Variants in SCML2 observed in about 807,000 individuals in gnomAD.
SCML2 encodes the protein Scm polycomb group protein like 2.
In SCML2, 6 loss-of-function variants were observed where a neutral mutation model predicts 48.4. The observed-to-expected ratio is 0.12, with a 90% CI of 0.07 to 0.24. The LOEUF (loss-of-function observed/expected upper bound fraction) is 0.24. SCML2 is among the 10% of genes least tolerant of loss of function. The probability of loss-of-function intolerance (pLI) is 1.00; values close to 1 mark genes in which losing one functional copy is unlikely to be tolerated. For synonymous variants in SCML2, 181 were observed against 189.5 expected, an observed-to-expected ratio of 0.95 and a Z score of 0.37; for missense variants, 377 against 528.2, an observed-to-expected ratio of 0.71 and a Z score of 2.81.
intron 11 of SCML2, among the ~76,000 whole-genome samples, chrX:18,251,252 G>A (rs944314996): frequency 2.1e-5 from 2 of 96,122 alleles, no homozygotes; most frequent in Non-Finnish European, 4.0e-5. Flanking sequence ...AGAGGTTGCG[G>A]TGAGCCAAAA....
chrX:18,320,917 T>C, intron 5 of SCML2, among the ~76,000 whole-genome samples: 1 of 111,539 alleles, frequency 9.0e-6, no homozygotes, highest in East Asian at 2.8e-4. Flanking sequence ...AACCTATAGA[T>C]ATTGACTCGT....
At chrX:18,333,615 G>C (rs1929720761) in intron 2 of SCML2, among the ~76,000 whole-genome samples, 1 of 112,025 alleles carries the variant, frequency 8.9e-6, no homozygotes, top group Non-Finnish European at 1.9e-5. Flanking sequence ...GAAAAGTCAT[G>C]AGAGATACAG....
intron 2 of SCML2, among the ~76,000 whole-genome samples, chrX:18,333,057 C>G (rs1461028538): frequency 9.0e-6 from 1 of 110,718 alleles, no homozygotes; most frequent in Non-Finnish European, 1.9e-5. Context: ...GGGAAGATCA[C>G]TTGAGGTCAG....
At chrX:18,305,243 T>A (rs746307507) in intron 6 of SCML2, 28 bp from the exon 7 acceptor site, 157 of 1,142,416 alleles carry the variant, frequency 1.4e-4, no homozygotes, top group Non-Finnish European at 1.8e-4. Flanking sequence ...AAAAAAAAGA[T>A]TTCATTGTTA....
At chrX:18,301,175 T>C (rs1033867915) in intron 7 of SCML2, among the ~76,000 whole-genome samples, 1 of 110,615 alleles carries the variant, frequency 9.0e-6, no homozygotes. Flanking sequence ...AGGCAGGTGG[T>C]TCACCTAAGG....
At chrX:18,277,763 G>A (rs1049851842) in intron 7 of SCML2, among the ~76,000 whole-genome samples, 1 of 111,190 alleles carries the variant, frequency 9.0e-6, no homozygotes, top group Non-Finnish European at 1.9e-5. Flanking sequence ...CAAAAAAAAA[G>A]AACAAAGTAG....
At chrX:18,327,225 T>C (rs1246727867) in intron 3 of SCML2, among the ~76,000 whole-genome samples, 6 of 108,509 alleles carry the variant, frequency 5.5e-5, no homozygotes. Context: ...AAAAAATTGC[T>C]GGGCATCGTG....
At chrX:18,278,778 A>G (rs186622463) in intron 7 of SCML2, among the ~76,000 whole-genome samples, 13 of 113,060 alleles carry the variant, frequency 1.1e-4, no homozygotes, top group African/African-American at 3.8e-4. Flanking sequence ...CCCCCAGCAC[A>G]GCTGGAACCT....
At chrX:18,317,095 A>T (rs774741796) in intron 6 of SCML2, among the ~76,000 whole-genome samples, 63 of 111,190 alleles carry the variant, frequency 5.7e-4, no homozygotes, top group African/African-American at 1.9e-3. Context: ...AATTTTTAAA[A>T]TTTTTTTTCA....
intron 3 of SCML2, among the ~76,000 whole-genome samples, chrX:18,325,299 G>C (rs1350507240): frequency 8.9e-6 from 1 of 111,927 alleles, no homozygotes; most frequent in African/African-American, 3.2e-5. Flanking sequence ...TAGAGTAATA[G>C]CGAAGTCTAC....
chrX:18,241,524 A>C (rs1216996401), intron 14 of SCML2, 145 bp from the exon 15 acceptor site: 2 of 362,116 alleles, frequency 5.5e-6, no homozygotes, highest in East Asian at 1.1e-4. Flanking sequence ...TTAAAAATAT[A>C]ATTTATACAG....
intron 11 of SCML2, among the ~76,000 whole-genome samples, chrX:18,251,908 A>G (rs1476991098): frequency 1.8e-5 from 2 of 112,574 alleles, no homozygotes; most frequent in Non-Finnish European, 3.7e-5. Flanking sequence ...AACATAATAT[A>G]GCCATACAAT....
Position 18,241,046 on chromosome X carries a change from G to T in SCML2, c.*205C>A. On this transcript the variant is annotated 3_prime_UTR_variant, in exon 15 of 15. Transcript: ENST00000251900. ...TGCTTTTTAAAGAAGTAGACTGGGG[G>T]AGTGGCGGCTGTGTCTCCCAAAGCT... 4.0e-6 allele frequency: 1 copy of T among 252,316 alleles called. No homozygotes were observed. The highest frequency in any genetic ancestry group is 6.6e-5 in the East Asian group (1 of 15,149). 20.8% of individuals were successfully genotyped at this position (252,316 alleles called of 1,213,427 possible).
Position 18,324,024 on chromosome X carries a change from T to G in SCML2, c.232A>C (p.Thr78Pro), listed in dbSNP as rs1414061835. The part of the protein sequence containing the change: ...KLEARDPRNA[T>P]SVCIATVIGI... ...ATAACCGTAGCAATACATACTGAAGTGGCATTGCGAGGGTCACGGGCTTCC... is the reference window on the plus strand; with the variant it reads ...ATAACCGTAGCAATACATACTGAAGGGGCATTGCGAGGGTCACGGGCTTCC... The change falls in exon 5 of 15, where the codon ACT (threonine) becomes CCT (proline). Residue 78 changes from threonine (T) to proline (P), a missense_variant. Transcript: ENST00000251900. 10 of 1,210,774 alleles carry G rather than the reference T, an allele frequency of 8.3e-6. No homozygotes were observed. The highest frequency in any genetic ancestry group is 1.1e-5 in the Non-Finnish European group (10 of 894,824).
At chrX:18,343,804 T>C (rs1396617252) in intron 1 of SCML2, among the ~76,000 whole-genome samples, 1 of 96,178 alleles carries the variant, frequency 1.0e-5, no homozygotes, top group Non-Finnish European at 2.1e-5. Flanking sequence ...AAAAAAAACC[T>C]GGGCCGGATT....
At chrX:18,288,928 AAG>A (rs1416825084) in intron 7 of SCML2, among the ~76,000 whole-genome samples, 3 of 111,403 alleles carry the variant, frequency 2.7e-5, no homozygotes, top group African/African-American at 9.8e-5. Flanking sequence ...GGAGGGGACT[AAG>A]GGGACTGCTA....
chrX:18,340,051 T>C (rs542607085), intron 1 of SCML2, among the ~76,000 whole-genome samples: 5 of 112,205 alleles, frequency 4.5e-5, no homozygotes, highest in African/African-American at 1.6e-4. Context: ...TGAAATTCTC[T>C]CTATATAATA....
chrX:18,280,666 T>C (rs1927801578), intron 7 of SCML2, among the ~76,000 whole-genome samples: 1 of 111,165 alleles, frequency 9.0e-6, no homozygotes, highest in South Asian at 3.7e-4. Context: ...AGAATGGAGA[T>C]CTATCACACA....
chrX:18,350,449 G>A (rs1446075967), intron 1 of SCML2, among the ~76,000 whole-genome samples: 3 of 110,367 alleles, frequency 2.7e-5, no homozygotes, highest in African/African-American at 6.6e-5. Context: ...GGTGGCGCAC[G>A]CCTGTAGTCC....
Sources: allele counts gnomAD v4.1 joint callset (sites outside exome capture counted in the v4.1 genomes callset), GRCh38; gene constraint gnomAD v4.1.1; transcripts MANE v1.5; gene names NCBI Gene and HGNC (gene_info 2026-07-23, HGNC 2026-07-21).